Variants in DST observed in about 807,000 individuals in gnomAD.
The protein encoded by DST is bullous pemphigoid antigen.
Under a neutral mutation model 875.2 loss-of-function variants are expected in DST, and 253 were observed. The observed-to-expected ratio is 0.29, with a 90% CI of 0.26 to 0.32. DST has a LOEUF of 0.32. Ranked by LOEUF, DST falls within the 10% of genes least tolerant of loss-of-function variation. The pLI is 1.00. For missense variants in DST, 8,287 were observed against 9,111.6 expected (o/e 0.91, Z 3.68); for synonymous variants, 3,124 against 3,197.1 (o/e 0.98, Z 0.77).
intron 66 of DST, 84 bp from the exon 67 acceptor site, chr6:56,529,009 T>C: frequency 3.5e-6 from 3 of 864,038 alleles, no homozygotes; most frequent in Non-Finnish European, 5.7e-6. Context: ...GAACTTTAAT[T>C]AGATTTCACA....
In DST at chr6:56,639,556, C is replaced by T. The variant is rs777517310; in HGVS notation, c.2753G>A (p.Arg918His). ...HLDTLHNFVS[R>H]ATNELIWLNE... ...CAACCAAATAAGTTCATTAGTCGCA[C>T]GACTTACAAAATTATGGAGTGTATC... is the stretch of plus-strand genomic sequence containing the variant. Residue 918 changes from arginine to histidine, a missense_variant, in exon 21 of 104, where the codon CGT becomes CAT. Around this residue, in one of 10 missense-constraint regions of DST, gnomAD observed 1,160 missense variants for 1,424.3 expected, o/e 0.81. Transcript: ENST00000680361. 3.8e-5 allele frequency: 62 copies of T among 1,613,608 alleles called. No individual in the cohort carries two copies. The highest frequency in any genetic ancestry group is 6.7e-5 in the East Asian group (3 of 44,850).
chr6:56,617,157 C>T (rs1280179596), intron 36 of DST: 4 of 1,602,338 alleles, frequency 2.5e-6, no homozygotes, highest in Non-Finnish European at 3.4e-6. Flanking sequence ...AGAAGCTTAG[C>T]TTCCACCAAC....
intron 5 of DST, among the ~76,000 whole-genome samples, chr6:56,709,333 G>T: frequency 6.6e-6 from 1 of 152,188 alleles, no homozygotes; most frequent in Non-Finnish European, 1.5e-5. Flanking sequence ...ATTTTGGAGT[G>T]AGAACACATT....
intron 77 of DST, 111 bp downstream of exon 77, chr6:56,506,332 C>T: frequency 1.3e-6 from 1 of 789,788 alleles, no homozygotes; most frequent in Non-Finnish European, 2.0e-6. Context: ...AATAATTTGC[C>T]CACAATTGCA....
chr6:56,739,725 G>C (rs563913164), intron 4 of DST, among the ~76,000 whole-genome samples: 1 of 152,144 alleles, frequency 6.6e-6, no homozygotes, highest in Admixed American at 6.5e-5. Flanking sequence ...GTGACCTCTG[G>C]TCGTCCTCAC....
intron 4 of DST, among the ~76,000 whole-genome samples, chr6:56,778,921 A>T (rs1259501025): frequency 6.6e-6 from 1 of 152,058 alleles, no homozygotes; most frequent in Non-Finnish European, 1.5e-5. Flanking sequence ...ACTGGGTCAA[A>T]TGGTATTTCT....
At chr6:56,623,037 A>C (rs1458173985) in intron 36 of DST, among the ~76,000 whole-genome samples, 1 of 152,224 alleles carries the variant, frequency 6.6e-6, no homozygotes, top group Non-Finnish European at 1.5e-5. Flanking sequence ...CCATTAACGT[A>C]ATGTTAAGTG....
At position 56,472,095 on chromosome 6, in the gene DST, C is replaced by T; in HGVS notation, c.22122G>A (p.Arg7374=). 6.2e-7 allele frequency: 1 copy of T among 1,613,940 alleles called. No individual in the cohort carries two copies. Residue 7374 remains arginine (R), a synonymous_variant, in exon 94 of 104, where the codon AGG becomes AGA. Coordinates refer to ENST00000680361, the MANE Select transcript of DST (RefSeq NM_001374736.1). The stretch of plus-strand genomic sequence containing the variant: ...TGTCCAAGGCATCATTGAGTTTCCT[C>T]CTTCTTTCCAACGCCAGGAGCCAGA... The part of the protein sequence containing the change: ...QQVWLLALER[R]RKLNDALDRL...
At chr6:56,803,401 C>T in intron 4 of DST, among the ~76,000 whole-genome samples, 1 of 150,382 alleles carries the variant, frequency 6.6e-6, no homozygotes, top group Admixed American at 6.6e-5. Context: ...TGATTAAATA[C>T]ACCTTCAGTT....
At chr6:56,881,070 C>T (rs543448379) in intron 3 of DST, among the ~76,000 whole-genome samples, 2 of 151,782 alleles carry the variant, frequency 1.3e-5, no homozygotes, top group East Asian at 2.0e-4. Flanking sequence ...AGGATGGTCT[C>T]GATCTCCTGA....
chr6:56,945,406 C>T (rs548246616), intron 2 of DST, among the ~76,000 whole-genome samples: 2 of 152,204 alleles, frequency 1.3e-5, no homozygotes, highest in South Asian at 4.2e-4. Context: ...CTTCTATATT[C>T]CTAGTTTGAA....
At chr6:56,712,698 A>G (rs1028700806) in intron 5 of DST, among the ~76,000 whole-genome samples, 2 of 152,234 alleles carry the variant, frequency 1.3e-5, no homozygotes, top group African/African-American at 4.8e-5. Flanking sequence ...AGATTCCACT[A>G]TATTTTTAAA....
rs377531282 is a variant in DST, at chr6:56,468,594, G to A, written c.22569+388C>T. Among the ~76,000 whole-genome samples the A allele has an allele frequency of 1.5e-3, 222 of 152,228 alleles. 8 individuals carry two copies. The South Asian group carries it at 0.042, about 29-fold the overall frequency. On this transcript the variant is annotated intron_variant, in intron 98 of 103. Coordinates refer to ENST00000680361, the MANE Select transcript of DST (RefSeq NM_001374736.1). Reference sequence around the variant, plus strand: ...TGATCCTTCTCAGCTACTGTAGACCGTATGTCCTAAACAGTTAAACACCAA... The same window carrying A: ...TGATCCTTCTCAGCTACTGTAGACCATATGTCCTAAACAGTTAAACACCAA...
At chr6:56,791,022 GAGAA>G (rs1415065876) in intron 4 of DST, among the ~76,000 whole-genome samples, 2 of 152,232 alleles carry the variant, frequency 1.3e-5, no homozygotes, top group East Asian at 1.9e-4. Flanking sequence ...CACATGGAAT[GAGAA>G]AGAGAGGCCA....
chr6:56,468,824 G>A (rs2094723798), intron 98 of DST, among the ~76,000 whole-genome samples, 158 bp downstream of exon 98: 1 of 152,086 alleles, frequency 6.6e-6, no homozygotes, highest in South Asian at 2.1e-4. Context: ...CCTGGATCAA[G>A]GACCCTTATA....
At chr6:56,851,991 T>A in intron 3 of DST, 1 of 1,447,266 alleles carries the variant, frequency 6.9e-7, no homozygotes, top group Non-Finnish European at 9.0e-7. Flanking sequence ...AGAAATATTT[T>A]CCATTACTAG....
At chr6:56,613,230 G>T (rs1341286500) in intron 37 of DST, among the ~76,000 whole-genome samples, 1 of 151,966 alleles carries the variant, frequency 6.6e-6, no homozygotes. Context: ...GAAGCTTTTT[G>T]GTATAAAGCA....
intron 4 of DST, among the ~76,000 whole-genome samples, chr6:56,744,553 G>A (rs1447750510): frequency 3.9e-5 from 6 of 152,210 alleles, no homozygotes. Flanking sequence ...GACGAAAGAA[G>A]GAAGGAATAG....
chr6:56,735,338 T>G, intron 4 of DST, 49 bp from the exon 5 acceptor site: 2 of 1,048,566 alleles, frequency 1.9e-6, no homozygotes, highest in Non-Finnish European at 2.9e-6. Flanking sequence ...AATCTATGAA[T>G]AGATGACTTT....
Sources: gnomAD v4.1 joint callset for allele counts (sites outside exome capture counted in the v4.1 genomes callset) on GRCh38, gnomAD v4.1.1 for gene constraint, gnomAD v4.1.1 regional missense constraint, MANE v1.5 for transcripts, NCBI Gene and HGNC (gene_info 2026-07-23, HGNC 2026-07-21) for gene names.